Variants in USP36 observed in about 807,000 individuals in gnomAD.
USP36 encodes the protein ubiquitin specific peptidase 36, also known as ubiquitin carboxyl-terminal hydrolase 36.
A neutral mutation model predicts 111.5 loss-of-function variants in USP36; 59 were observed. That is an observed-to-expected ratio of 0.53 (90% CI 0.43 to 0.66). The LOEUF (loss-of-function observed/expected upper bound fraction) is 0.66. Ranked by LOEUF, USP36 falls within the 30% of genes least tolerant of loss-of-function variation. USP36 has a pLI of 0.00. For synonymous variants in USP36, 628 were observed against 581.0 expected (o/e 1.08, Z -1.16); for missense variants, 1,488 against 1,468.0 (o/e 1.01, Z -0.22).
At chr17:78,822,084 C>A in intron 6 of USP36, 80 bp from the exon 7 acceptor site, 2 of 1,517,866 alleles carry the variant, frequency 1.3e-6, no homozygotes, top group South Asian at 1.1e-5. Flanking sequence ...CAGCCCCATG[C>A]CCACCAGTCA....
rs143307341 is a variant in USP36 at position 78,806,238 on chromosome 17, G to C, written c.2134C>G (p.Pro712Ala). The change falls in exon 15 of 21, where the codon CCC becomes GCC. Residue 712 changes from proline to alanine, a missense_variant. Physicochemically the swap from Pro to Ala is conservative, Grantham distance 27. Coordinates refer to ENST00000449938, the MANE Select transcript of USP36 (RefSeq NM_001385174.1). ...TGGGTGAGGTCGGAGGATGGTGAGGGGGGAGGTGGACGGAGGTCATTGCCG... is the reference window on the plus strand; with the variant it reads ...TGGGTGAGGTCGGAGGATGGTGAGGCGGGAGGTGGACGGAGGTCATTGCCG... Reference protein sequence around the residue: ...ATGNDLRPPPPSPSSDLTHPM... With the variant: ...ATGNDLRPPPASPSSDLTHPM... 22 of 1,613,746 alleles carry C rather than the reference G, an allele frequency of 1.4e-5. No homozygotes were observed. The African/African-American group carries it at 2.5e-4, about 19-fold the overall frequency.
downstream of USP36, among the ~76,000 whole-genome samples, chr17:78,793,855 G>A (rs1009261609): frequency 5.3e-5 from 8 of 152,034 alleles, no homozygotes; most frequent in East Asian, 1.9e-4. Context: ...TAGAAGACTC[G>A]GAGTTCACCC....
At position 78,821,938 on chromosome 17, in the gene USP36, G is replaced by A. The variant is rs200234804; in HGVS notation, c.756C>T (p.Arg252=). The change falls in exon 7 of 21, where the codon CGC becomes CGT. Residue 252 remains arginine (R), a splice_region_variant and synonymous_variant. Coordinates refer to ENST00000449938, the MANE Select transcript of USP36 (RefSeq NM_001385174.1). ...AGTAGAACAAACGTCTCCACTTACCGCGTGATCTGAGATACCCTCCAAAAA... is the reference window on the plus strand; with the variant it reads ...AGTAGAACAAACGTCTCCACTTACCACGTGATCTGAGATACCCTCCAAAAA... The part of the protein sequence containing the change: ...HQIFGGYLRS[R]VKCSVCKSVS... 1.1e-4 allele frequency: 174 copies of A among 1,614,054 alleles called. No homozygotes were observed. Among genetic ancestry groups the A allele is most frequent in the Admixed American group, 6.2e-4 (37 of 60,014 alleles).
At chr17:78,839,216 AAC>A (rs2069006021) in intron 1 of USP36, among the ~76,000 whole-genome samples, 1 of 152,200 alleles carries the variant, frequency 6.6e-6, no homozygotes, top group Non-Finnish European at 1.5e-5. Flanking sequence ...GGTTCGTAAA[AAC>A]AGTTTACAGT....
chr17:78,814,624 C>T, intron 10 of USP36, 72 bp from the exon 11 acceptor site: 1 of 1,542,130 alleles, frequency 6.5e-7, no homozygotes, highest in Non-Finnish European at 8.8e-7. Flanking sequence ...CCTTTCCATC[C>T]ACAACCACAC....
At chr17:78,809,714 C>T (rs960127076) in intron 13 of USP36, among the ~76,000 whole-genome samples, 1 of 152,118 alleles carries the variant, frequency 6.6e-6, no homozygotes, top group African/African-American at 2.4e-5. Flanking sequence ...TCAATGCAGC[C>T]TTGTGTTTAA....
rs2093629474 is a variant in USP36 at position 78,796,416 on chromosome 17, G to C, written c.*1484C>G. ...TTGAACATTCAGAGACTGGTCCGCA[G>C]GAGAGGGCACCCTGAGCAGCTCCAC... is the stretch of plus-strand genomic sequence containing the variant. On this transcript the variant is annotated 3_prime_UTR_variant, in exon 21 of 21. Coordinates refer to ENST00000449938, the MANE Select transcript of USP36 (RefSeq NM_001385174.1). 6.6e-6 allele frequency: 1 copy of C among 152,164 alleles called. No individual in the cohort carries two copies. The allele number at this position is 152,164 out of a possible 1,614,324, so 9.4% of individuals were successfully genotyped here.
In USP36 at chr17:78,807,487, G is replaced by A. The variant is rs199617834; in HGVS notation, c.1557C>T (p.Ser519=). 9 of 1,613,988 alleles carry A rather than the reference G, an allele frequency of 5.6e-6. 1 individual carries two copies. The East Asian group carries it at 2.0e-4, about 36-fold the overall frequency. ...LPSGSPSPKL[S]QTPTHMPTIL... ...TGGTTGGCATGTGTGTGGGTGTCTG[G>A]GAGAGTTTGGGGGAAGGGGACCCCG... The change falls in exon 14 of 21, where the codon TCC becomes TCT. Residue 519 remains serine (S), a synonymous_variant. Coordinates refer to ENST00000449938, the MANE Select transcript of USP36 (RefSeq NM_001385174.1).
intron 18 of USP36, among the ~76,000 whole-genome samples, chr17:78,799,452 T>C (rs1053702186): frequency 6.6e-6 from 1 of 152,196 alleles, no homozygotes; most frequent in Non-Finnish European, 1.5e-5. Flanking sequence ...CAGAAGCAGC[T>C]GTTCTGGATC....
chr17:78,818,857 A>G, intron 9 of USP36, 79 bp from the exon 10 acceptor site: 29 of 1,386,074 alleles, frequency 2.1e-5, no homozygotes, highest in Non-Finnish European at 2.9e-5. Context: ...CTAAGTTAAT[A>G]ACAGCAACAA....
At chr17:78,799,855 C>G (rs780533479) in intron 17 of USP36, 87 bp from the exon 18 acceptor site, 1 of 511,480 alleles carries the variant, frequency 2.0e-6, no homozygotes, top group Non-Finnish European at 3.3e-6. Context: ...TATAAAACAA[C>G]TTACAGTAAG....
At chr17:78,810,416 T>A (rs2094020410) in intron 13 of USP36, among the ~76,000 whole-genome samples, 1 of 152,132 alleles carries the variant, frequency 6.6e-6, no homozygotes, top group South Asian at 2.1e-4. Context: ...GCCTCCTGAG[T>A]AGCTGGGAAT....
At chr17:78,815,281 G>A (rs544774515) in intron 10 of USP36, among the ~76,000 whole-genome samples, 4 of 152,216 alleles carry the variant, frequency 2.6e-5, no homozygotes, top group South Asian at 2.1e-4. Context: ...ACAGTGAGCC[G>A]AGATCATACC....
chr17:78,835,279 C>G lies in USP36; in HGVS notation c.475+1G>C. ...CCCCACTGCTGCAAACCCACACTCA[C>G]AGCTGCGAGCATGCTCCTTGGAGAG... On this transcript the variant is annotated splice_donor_variant, in intron 4 of 20. Coordinates refer to ENST00000449938, the MANE Select transcript of USP36 (RefSeq NM_001385174.1). LOFTEE classifies it high-confidence loss of function. 6.2e-7 allele frequency: 1 copy of G among 1,613,920 alleles called. No homozygotes were observed. Among genetic ancestry groups the G allele is most frequent in the East Asian group, 2.2e-5 (1 of 44,886 alleles).
chr17:78,804,182 C>T (rs1448124330), intron 15 of USP36, among the ~76,000 whole-genome samples: 1 of 152,132 alleles, frequency 6.6e-6, no homozygotes, highest in African/African-American at 2.4e-5. Context: ...GCAAAGTTGG[C>T]CAGGTACAGT....
At position 78,806,959 on chromosome 17, in the gene USP36, C is replaced by G. The variant is rs2093919379; in HGVS notation, c.2085G>C (p.Lys695Asn). 1.2e-6 allele frequency: 2 copies of G among 1,613,730 alleles called. No individual in the cohort carries two copies. Among genetic ancestry groups the G allele is most frequent in the Non-Finnish European group, 1.7e-6 (2 of 1,179,756 alleles). The change falls in exon 14 of 21, where the codon AAG becomes AAC. Residue 695 changes from lysine (K) to asparagine (N), a missense_variant and splice_region_variant. Physicochemically the swap from Lys to Asn is moderately conservative, Grantham distance 94. This residue lies in a region of USP36 where 1,073 missense variants were observed against 994.1 expected (regional missense o/e 1.08). Coordinates refer to ENST00000449938, the MANE Select transcript of USP36 (RefSeq NM_001385174.1). ...PAKKLALSAK[K>N]ASTLWRATGN... Reference sequence around the variant, plus strand: ...AGCGGCGAGACCCCCACACACCCACCTTCTTGGCAGAAAGGGCCAGTTTTT... The same window carrying G: ...AGCGGCGAGACCCCCACACACCCACGTTCTTGGCAGAAAGGGCCAGTTTTT...
At chr17:78,820,394 T>C (rs990430860) in intron 8 of USP36, among the ~76,000 whole-genome samples, 1 of 151,846 alleles carries the variant, frequency 6.6e-6, no homozygotes, top group South Asian at 2.1e-4. Context: ...AGCCTAGAGG[T>C]CAACACTACA....
rs550357868 is a variant in USP36, at chr17:78,821,583, G to A, written c.757+354C>T. ...GCTGGGATTGCAGGCATGTGCCACC[G>A]CGCCTGGCTGATTTTTGTATTTTTA... On this transcript the variant is annotated intron_variant, in intron 7 of 20. Coordinates refer to ENST00000449938, the MANE Select transcript of USP36 (RefSeq NM_001385174.1). Among the ~76,000 whole-genome samples, 14 of 151,096 alleles carry A rather than the reference G, an allele frequency of 9.3e-5. No homozygotes were observed. In the East Asian group the frequency reaches 1.4e-3, roughly 15 times the overall value.
downstream of USP36, among the ~76,000 whole-genome samples, chr17:78,792,405 G>A (rs1475659672): frequency 6.6e-6 from 1 of 152,064 alleles, no homozygotes; most frequent in Non-Finnish European, 1.5e-5. Context: ...TCCAGTAGAG[G>A]TCCCCACAGA....
Sources: allele counts gnomAD v4.1 joint callset (sites outside exome capture counted in the v4.1 genomes callset), GRCh38; gene constraint gnomAD v4.1.1; regional missense constraint gnomAD v4.1.1; transcripts MANE v1.5; gene names NCBI Gene and HGNC (gene_info 2026-07-23, HGNC 2026-07-21).